ADGRV1: variants seen among roughly 807,000 people sequenced by gnomAD.
ADGRV1 encodes G-protein coupled receptor 98.
In ADGRV1, 359 loss-of-function variants were observed where a neutral mutation model predicts 596.2. The ratio of observed to expected loss-of-function variants is 0.60; its 90% CI spans 0.55 to 0.66. ADGRV1 has a LOEUF of 0.66. Ranked by LOEUF, ADGRV1 falls within the 30% of genes least tolerant of loss-of-function variation. The pLI is 0.00. For missense variants in ADGRV1, 7,274 were observed against 7,575.6 expected (o/e 0.96, Z 1.48); for synonymous variants, 2,681 against 2,679.2 (o/e 1.00, Z -0.02).
chr5:90,614,398 A>C (rs1304724179), intron 1 of ADGRV1, among the ~76,000 whole-genome samples: 1 of 152,086 alleles, frequency 6.6e-6, no homozygotes, highest in Non-Finnish European at 1.5e-5. Context: ...CCAACCAAGA[A>C]ATCAATTTAT....
chr5:91,053,581 G>A (rs962877667), intron 85 of ADGRV1, among the ~76,000 whole-genome samples: 2 of 152,184 alleles, frequency 1.3e-5, no homozygotes, highest in African/African-American at 2.4e-5. Flanking sequence ...CCATTGTCCA[G>A]AAAGAGAATA....
intron 42 of ADGRV1, among the ~76,000 whole-genome samples, chr5:90,713,847 C>T (rs1749719967): frequency 6.6e-6 from 1 of 152,150 alleles, no homozygotes. Context: ...GTATTGGGCT[C>T]TCTCAAGCTT....
chr5:90,999,138 G>A lies in ADGRV1; in HGVS notation c.18152+13616G>A, dbSNP rs1021117140. On this transcript the variant is annotated intron_variant, in intron 85 of 89. Coordinates refer to ENST00000405460, the MANE Select transcript of ADGRV1 (RefSeq NM_032119.4). ...CCTTCTTTTCTTTTGGAGGTGAGGT[G>A]GGCTATATTATAGCTATTAGCTTTT... 5.3e-5 allele frequency among the ~76,000 whole-genome samples: 8 copies of A among 151,766 alleles called. No individual in the cohort carries two copies. The South Asian group carries it at 1.7e-3, about 32-fold the overall frequency.
At chr5:90,855,350 A>G (rs142075165) in intron 81 of ADGRV1, among the ~76,000 whole-genome samples, 8 of 152,322 alleles carry the variant, frequency 5.3e-5, no homozygotes, top group Non-Finnish European at 8.8e-5. Context: ...AAGAAAAAAA[A>G]CAAAGAAGAG....
chr5:90,650,374 AT>A (rs1219770400), intron 17 of ADGRV1, among the ~76,000 whole-genome samples: 1 of 152,114 alleles, frequency 6.6e-6, no homozygotes. Context: ...ATTATTATTT[AT>A]TTTTGTTAGA....
intron 70 of ADGRV1, among the ~76,000 whole-genome samples, chr5:90,801,702 CTT>C (rs1255540556): frequency 1.3e-5 from 2 of 151,992 alleles, no homozygotes; most frequent in Non-Finnish European, 2.9e-5. Flanking sequence ...GAAGAAGAGA[CTT>C]TACAGAAATG....
intron 50 of ADGRV1, among the ~76,000 whole-genome samples, chr5:90,737,517 A>G (rs998414076): frequency 1.3e-5 from 2 of 151,952 alleles, no homozygotes; most frequent in African/African-American, 4.8e-5. Flanking sequence ...TTTATTGTTA[A>G]AAGTGGGATA....
At chr5:91,070,021 A>G (rs138245919) in intron 85 of ADGRV1, among the ~76,000 whole-genome samples, 1 of 152,204 alleles carries the variant, frequency 6.6e-6, no homozygotes, top group African/African-American at 2.4e-5. Context: ...AAAACCAAAT[A>G]CCACGTGTTT....
intron 21 of ADGRV1, among the ~76,000 whole-genome samples, chr5:90,661,316 T>C (rs1469772346): frequency 6.6e-6 from 1 of 152,234 alleles, no homozygotes; most frequent in Admixed American, 6.5e-5. Flanking sequence ...TTATATGTTA[T>C]ATTTATAAAC....
intron 84 of ADGRV1, among the ~76,000 whole-genome samples, chr5:90,967,391 A>G (rs534087007): frequency 1.3e-5 from 2 of 152,362 alleles, no homozygotes; most frequent in Non-Finnish European, 2.9e-5. Flanking sequence ...AAATTTGCAA[A>G]TAAAAGTGAA....
At chr5:91,158,018 C>A (rs569042458) in intron 89 of ADGRV1, among the ~76,000 whole-genome samples, 2 of 152,332 alleles carry the variant, frequency 1.3e-5, no homozygotes, top group South Asian at 2.1e-4. Context: ...AAATCGTTAA[C>A]CACCTCTTCT....
At chr5:90,983,682 A>G (rs1481411606) in intron 84 of ADGRV1, among the ~76,000 whole-genome samples, 1 of 152,218 alleles carries the variant, frequency 6.6e-6, no homozygotes, top group African/African-American at 2.4e-5. Flanking sequence ...AGTTGGATCT[A>G]GTAATTTTTA....
At chr5:90,703,920 A>G (rs886194630) in intron 35 of ADGRV1, 125 bp downstream of exon 35, 2 of 679,560 alleles carry the variant, frequency 2.9e-6, no homozygotes, top group Non-Finnish European at 4.8e-6. Flanking sequence ...CCTACTTCGT[A>G]TGAATTCTTT....
chr5:90,970,584 C>T (rs190397804), intron 84 of ADGRV1, among the ~76,000 whole-genome samples: 8 of 148,082 alleles, frequency 5.4e-5, no homozygotes, highest in Non-Finnish European at 1.2e-4. Flanking sequence ...TGCTGATACC[C>T]AGGCAAACAG....
chr5:91,028,968 T>G (rs187261094), intron 85 of ADGRV1, among the ~76,000 whole-genome samples: 110 of 152,122 alleles, frequency 7.2e-4, no homozygotes, highest in African/African-American at 2.5e-3. Flanking sequence ...AACTCCCAAG[T>G]TAAGTGGTCC....
chr5:91,113,283 A>G (rs545973427), intron 87 of ADGRV1, among the ~76,000 whole-genome samples: 2 of 152,196 alleles, frequency 1.3e-5, no homozygotes, highest in Non-Finnish European at 2.9e-5. Context: ...TGGAGAACTC[A>G]CACTCCTCCT....
chr5:91,155,644 C>T (rs1796418415), intron 89 of ADGRV1, among the ~76,000 whole-genome samples: 1 of 152,150 alleles, frequency 6.6e-6, no homozygotes, highest in South Asian at 2.1e-4. Flanking sequence ...CCTGGTCTTT[C>T]CAGAACACTA....
intron 83 of ADGRV1, among the ~76,000 whole-genome samples, chr5:90,866,086 T>A (rs1426378120): frequency 2.0e-5 from 3 of 152,156 alleles, no homozygotes; most frequent in African/African-American, 7.2e-5. Flanking sequence ...CAGACAAGTC[T>A]GCCAAGACCA....
chr5:90,905,849 A>G (rs1400655511), intron 83 of ADGRV1, among the ~76,000 whole-genome samples: 1 of 152,016 alleles, frequency 6.6e-6, no homozygotes, highest in Non-Finnish European at 1.5e-5. Context: ...CCCATTCAAT[A>G]TGGTGCTAGC....
Sources: allele counts gnomAD v4.1 joint callset (sites outside exome capture counted in the v4.1 genomes callset), GRCh38; gene constraint gnomAD v4.1.1; transcripts MANE v1.5; gene names NCBI Gene and HGNC (gene_info 2026-07-23, HGNC 2026-07-21).